KCTD18: variants seen among roughly 807,000 people sequenced by gnomAD.
KCTD18 encodes the protein potassium channel tetramerization domain containing 18.
A neutral mutation model predicts 30.4 loss-of-function variants in KCTD18; 22 were observed. The observed-to-expected ratio is 0.72, with a 90% CI of 0.52 to 1.03. The LOEUF is 1.03. Among genes scored for constraint, KCTD18 ranks in the 50% least tolerant of loss-of-function variants. The pLI, the probability that KCTD18 is intolerant of heterozygous loss-of-function variation, is 0.00. For synonymous variants in KCTD18, 186 were observed against 209.0 expected (o/e 0.89, Z 0.95); for missense variants, 529 against 547.6 (o/e 0.97, Z 0.34).
intron 1 of KCTD18, 61 bp downstream of exon 1, chr2:200,509,567 C>T (rs2030404162): frequency 6.6e-6 from 1 of 152,540 alleles, no homozygotes; most frequent in Non-Finnish European, 1.5e-5. Flanking sequence ...AGGCTCCCTG[C>T]TATGTGGAAA....
In KCTD18 at chr2:200,493,201, G is replaced by A; in HGVS notation, c.735C>T (p.Ser245=). ...WTLEERPLLG[S]LRHMAPIRKR... is the part of the protein sequence containing the mutation. ...TTCGAATTGGAGCCATGTGACGCAG[G>A]CTTCCAAGTAAAGGCCGTTCTTCTA... Residue 245 remains serine (S), a synonymous_variant, in exon 6 of 7, where the codon AGC becomes AGT. Transcript: ENST00000359878. 2 of 1,612,518 alleles carry A rather than the reference G, an allele frequency of 1.2e-6. No individual in the cohort carries two copies. Among genetic ancestry groups the A allele is most frequent in the South Asian group, 1.1e-5 (1 of 91,038 alleles).
At chr2:200,493,878 T>C (rs1416290866) in intron 5 of KCTD18, among the ~76,000 whole-genome samples, 1 of 152,150 alleles carries the variant, frequency 6.6e-6, no homozygotes, top group Non-Finnish European at 1.5e-5. Context: ...TGCTGTAACA[T>C]CAAATCAGGG....
chr2:200,490,569 G>A lies in KCTD18; in HGVS notation c.812C>T (p.Thr271Ile). The change falls in exon 7 of 7, where the codon ACT becomes ATT. Residue 271 changes from threonine (T) to isoleucine (I), a missense_variant. By Grantham distance (89) the Thr-to-Ile change is moderately conservative (BLOSUM62 -1). Coordinates refer to ENST00000359878, the MANE Select transcript of KCTD18 (RefSeq NM_152387.4). ...NEADESVNYK[T>I]GPKPVRFLGP... ...CAAAAATCTAACTGGCTTAGGACCA[G>A]TCTTATAGTTCACACTTTCGTCCGC... 1 of 1,600,486 alleles carries A rather than the reference G, an allele frequency of 6.2e-7. No individual in the cohort carries two copies. Among genetic ancestry groups the A allele is most frequent in the Non-Finnish European group, 8.5e-7 (1 of 1,179,742 alleles).
intron 5 of KCTD18, among the ~76,000 whole-genome samples, chr2:200,495,535 T>TG: frequency 6.6e-6 from 1 of 152,290 alleles, no homozygotes; most frequent in South Asian, 2.1e-4. Context: ...AACAAGTTAT[T>TG]TTCCAAAAGT....
In KCTD18 at chr2:200,499,002, C is replaced by T; in HGVS notation, c.455G>A (p.Gly152Asp). Reference sequence around the variant, plus strand: ...AATAATTCTACTCTCACAGCTTGCACCAGATGTGTTAAGATAGTGGAGAAC... The same window carrying T: ...AATAATTCTACTCTCACAGCTTGCATCAGATGTGTTAAGATAGTGGAGAAC... ...VWVLHYLNTSGASCESRIIGV... is the reference protein window; with the variant it reads ...VWVLHYLNTSDASCESRIIGV... The change falls in exon 4 of 7, where the codon GGT (glycine) becomes GAT (aspartate). Residue 152 changes from glycine (G) to aspartate (D), a missense_variant. By Grantham distance (94) the Gly-to-Asp change is moderately conservative. Coordinates refer to ENST00000359878, the MANE Select transcript of KCTD18 (RefSeq NM_152387.4). The T allele has an allele frequency of 1.2e-6, 2 of 1,614,018 alleles. No homozygotes were observed. Among genetic ancestry groups the T allele is most frequent in the Non-Finnish European group, 1.7e-6 (2 of 1,179,928 alleles).
intron 2 of KCTD18, 59 bp downstream of exon 2, chr2:200,506,798 G>A: frequency 6.7e-7 from 1 of 1,501,116 alleles, no homozygotes. Context: ...AAAATCAAAG[G>A]GAACTTAAAC....
At chr2:200,496,654 C>G (rs1035582909) in intron 5 of KCTD18, 2 of 152,120 alleles carry the variant, frequency 1.3e-5, no homozygotes, top group Admixed American at 6.5e-5. Flanking sequence ...GCCACCATGC[C>G]CGGCTAATTT....
rs772162977 is a variant in KCTD18 at position 200,490,160 on chromosome 2, G to A, written c.1221C>T (p.Pro407=). The A allele has an allele frequency of 1.8e-5, 29 of 1,608,720 alleles. No individual in the cohort carries two copies. Among genetic ancestry groups the A allele is most frequent in the Admixed American group, 1.7e-5 (1 of 59,912 alleles). ...TRQANSLKPL[P]GEAARALGVR... ...CTCCCAAGGCACGGGCAGCTTCGCC[G>A]GGAAGCGGCTTGAGGGAGTTGGCCT... The change falls in exon 7 of 7, where the codon CCC becomes CCT. Residue 407 remains proline, a synonymous_variant. Coordinates refer to ENST00000359878, the MANE Select transcript of KCTD18 (RefSeq NM_152387.4).
chr2:200,490,646 C>T (rs376505965), intron 6 of KCTD18, 30 bp from the exon 7 acceptor site: 1 of 1,547,210 alleles, frequency 6.5e-7, no homozygotes, highest in East Asian at 2.3e-5. Context: ...TCATTTTCCA[C>T]ATGTATAGTT....
intron 1 of KCTD18, 77 bp from the exon 2 acceptor site, chr2:200,507,168 A>G: frequency 1.9e-6 from 1 of 519,158 alleles, no homozygotes; most frequent in Non-Finnish European, 3.3e-6. Flanking sequence ...ATACTTTAAC[A>G]TGACTGAAAA....
At chr2:200,509,363 C>A (rs553464585) in intron 1 of KCTD18, among the ~76,000 whole-genome samples, 5 of 152,216 alleles carry the variant, frequency 3.3e-5, no homozygotes, top group African/African-American at 1.2e-4. Flanking sequence ...CCTGACCCAG[C>A]CCTTTCACTC....
At chr2:200,496,915 G>C (rs1425500161) in intron 5 of KCTD18, 1 of 152,306 alleles carries the variant, frequency 6.6e-6, no homozygotes, top group African/African-American at 2.4e-5. Flanking sequence ...CAATCCTCCT[G>C]CCTCAGCCTC....
chr2:200,505,831 A>T (rs759824217), intron 2 of KCTD18, among the ~76,000 whole-genome samples: 1 of 151,940 alleles, frequency 6.6e-6, no homozygotes, highest in East Asian at 1.9e-4. Context: ...ACTTTATAAT[A>T]AAATATTTTT....
At chr2:200,493,043 A>C in intron 6 of KCTD18, 129 bp downstream of exon 6, 1 of 609,974 alleles carries the variant, frequency 1.6e-6, no homozygotes, top group Non-Finnish European at 2.9e-6. Flanking sequence ...ATGGTAAGAC[A>C]GAATATTCAA....
intron 3 of KCTD18, among the ~76,000 whole-genome samples, chr2:200,499,350 T>C (rs2088048409): frequency 6.6e-6 from 1 of 152,110 alleles, no homozygotes; most frequent in African/African-American, 2.4e-5. Flanking sequence ...CACATGGAAA[T>C]TCCATTTTAT....
intron 2 of KCTD18, among the ~76,000 whole-genome samples, 164 bp downstream of exon 2, chr2:200,506,693 G>T (rs2030217610): frequency 1.3e-5 from 2 of 152,140 alleles, no homozygotes; most frequent in Admixed American, 6.5e-5. Context: ...TTCAGAAGTA[G>T]TATTTAATTT....
At chr2:200,500,763 C>A (rs991551408) in intron 3 of KCTD18, among the ~76,000 whole-genome samples, 4 of 151,044 alleles carry the variant, frequency 2.6e-5, no homozygotes, top group Non-Finnish European at 1.5e-5. Flanking sequence ...ACTTTCTTCA[C>A]AGAATTGGAA....
At chr2:200,493,025 A>G (rs115269737) in intron 6 of KCTD18, 147 bp downstream of exon 6, 16,376 of 591,452 alleles carry the variant, frequency 0.028, 264 homozygotes, top group Non-Finnish European at 0.039. Context: ...ATCAAGATCT[A>G]TATTTTGATG....
intron 6 of KCTD18, among the ~76,000 whole-genome samples, chr2:200,492,644 T>TA (rs902266358): frequency 1.5e-4 from 23 of 152,012 alleles, no homozygotes; most frequent in South Asian, 4.2e-4. Flanking sequence ...CCAGACACTG[T>TA]AAAAAAAATG....
Sources: gnomAD v4.1 joint callset for allele counts (sites outside exome capture counted in the v4.1 genomes callset) on GRCh38, gnomAD v4.1.1 for gene constraint, MANE v1.5 for transcripts, NCBI Gene and HGNC (gene_info 2026-07-23, HGNC 2026-07-21) for gene names.